LRRC7: variants seen among roughly 807,000 people sequenced by gnomAD.
LRRC7 encodes the protein leucine rich repeat containing 7.
Under a neutral mutation model 175.7 loss-of-function variants are expected in LRRC7, and 23 were observed. The ratio of observed to expected loss-of-function variants is 0.13; its 90% CI spans 0.09 to 0.19. LRRC7 has a LOEUF of 0.19. Ranked by LOEUF, LRRC7 falls within the 10% of genes least tolerant of loss-of-function variation. The probability of loss-of-function intolerance (pLI) is 1.00; values close to 1 mark genes in which losing one functional copy is unlikely to be tolerated. For synonymous variants in LRRC7, 685 were observed against 680.9 expected (o/e 1.01, Z -0.09); for missense variants, 1,354 against 1,904.7 (o/e 0.71, Z 5.38).
intron 3 of LRRC7, among the ~76,000 whole-genome samples, chr1:69,780,711 A>G (rs1276732372): frequency 1.3e-5 from 2 of 152,340 alleles, no homozygotes; most frequent in African/African-American, 2.4e-5. Context: ...TAATGTGCAC[A>G]GTATAATTAT....
chr1:69,920,657 G>A (rs1306903762), intron 7 of LRRC7, among the ~76,000 whole-genome samples: 1 of 152,078 alleles, frequency 6.6e-6, no homozygotes, highest in Non-Finnish European at 1.5e-5. Context: ...GAGAACTACG[G>A]AATTCATAGA....
intron 1 of LRRC7, among the ~76,000 whole-genome samples, chr1:69,661,554 C>T (rs1657481666): frequency 6.6e-6 from 1 of 152,084 alleles, no homozygotes; most frequent in South Asian, 2.1e-4. Context: ...GTGGTCAGCA[C>T]CATCTGCAAC....
intron 1 of LRRC7, among the ~76,000 whole-genome samples, chr1:69,624,914 T>C (rs10889843): frequency 0.27 from 40,681 of 151,970 alleles, 5,790 homozygotes; most frequent in East Asian, 0.36. Context: ...TATATTAATT[T>C]ATACCATTTG....
intron 2 of LRRC7, among the ~76,000 whole-genome samples, chr1:69,753,046 G>T (rs945111772): frequency 6.6e-6 from 1 of 151,960 alleles, no homozygotes; most frequent in Non-Finnish European, 1.5e-5. Context: ...TATACTGGAC[G>T]GTGGCCATGT....
chr1:70,133,685 C>T lies in LRRC7; in HGVS notation c.*11798C>T, dbSNP rs1261272714. On this transcript the variant is annotated 3_prime_UTR_variant, in exon 27 of 27. Coordinates refer to ENST00000651989, the MANE Select transcript of LRRC7 (RefSeq NM_001370785.2). ...AAACCTCTCAGATTGTATCAATCAC[C>T]CAAAACCTAATGAGACAGAAACCAC... Among the ~76,000 whole-genome samples the T allele has an allele frequency of 6.6e-6, 1 of 152,076 alleles. No homozygotes were observed.
intron 3 of LRRC7, among the ~76,000 whole-genome samples, chr1:69,788,432 C>T (rs939832549): frequency 1.3e-5 from 2 of 152,150 alleles, no homozygotes; most frequent in Non-Finnish European, 2.9e-5. Flanking sequence ...AAGTTGATTT[C>T]TTTTCATACC....
chr1:69,623,549 C>CTTT lies in LRRC7; in HGVS notation c.3-54816_3-54814dup, dbSNP rs35199111. On this transcript the variant is annotated intron_variant, in intron 1 of 26. Coordinates refer to ENST00000651989, the MANE Select transcript of LRRC7 (RefSeq NM_001370785.2). The stretch of plus-strand genomic sequence containing the variant: ...TTAAGGCAACTTAGAAAAAGACATA[C>CTTT]TTTTTTTTTTTTTTTTTTGAGGCAG... 4.6e-4 allele frequency among the ~76,000 whole-genome samples: 63 copies of CTTT among 136,624 alleles called. 3 individuals are homozygous for CTTT. The highest frequency in any genetic ancestry group is 4.1e-3 in the East Asian group (19 of 4,590). 89.6% of individuals were successfully genotyped at this position (136,624 alleles called of 152,430 possible). A position where few individuals can be genotyped will look rare whatever the true frequency, so the allele number is the denominator to read the frequency against.
chr1:69,593,649 CA>C (rs766700506), intron 1 of LRRC7, among the ~76,000 whole-genome samples: 1 of 152,114 alleles, frequency 6.6e-6, no homozygotes, highest in Non-Finnish European at 1.5e-5. Flanking sequence ...ACTTACAAAA[CA>C]CAGCAGTTTT....
intron 25 of LRRC7, among the ~76,000 whole-genome samples, chr1:70,092,020 GAGGATCTAA>G (rs1466782164): frequency 7.9e-5 from 12 of 152,198 alleles, no homozygotes; most frequent in Admixed American, 7.9e-4. Context: ...TAACTGTTCA[GAGGATCTAA>G]AGACACTGAC....
At chr1:69,938,576 G>A (rs1648291292) in intron 8 of LRRC7, among the ~76,000 whole-genome samples, 1 of 151,938 alleles carries the variant, frequency 6.6e-6, no homozygotes. Context: ...ATATGAATGT[G>A]TTTTCATAGA....
At chr1:69,721,621 T>C (rs1362590533) in intron 2 of LRRC7, among the ~76,000 whole-genome samples, 2 of 151,904 alleles carry the variant, frequency 1.3e-5, no homozygotes, top group African/African-American at 4.8e-5. Context: ...GTACTCTTTT[T>C]AATGGCCACA....
intron 7 of LRRC7, among the ~76,000 whole-genome samples, chr1:69,858,960 A>G (rs928061053): frequency 2.0e-5 from 3 of 152,070 alleles, no homozygotes; most frequent in Admixed American, 2.0e-4. Flanking sequence ...ATATATACGA[A>G]CTCAACAGCA....
At chr1:69,706,718 G>C (rs1664081661) in intron 2 of LRRC7, among the ~76,000 whole-genome samples, 1 of 152,144 alleles carries the variant, frequency 6.6e-6, no homozygotes, top group Admixed American at 6.6e-5. Flanking sequence ...CAGGAACACA[G>C]CATGGTGTCA....
rs60974303 is a variant in LRRC7, at chr1:69,889,838, A to AGAGGAG, written c.648-41648_648-41643dup. ...AGTAAGGAGATAGAGAAGAAGAAGG[A>AGAGGAG]GAGGAGGAGGAGGAGGAGGAGGAGG... On this transcript the variant is annotated intron_variant, in intron 7 of 26. Coordinates refer to ENST00000651989, the MANE Select transcript of LRRC7 (RefSeq NM_001370785.2). 2.6e-3 allele frequency among the ~76,000 whole-genome samples: 388 copies of AGAGGAG among 151,086 alleles called. 3 individuals carry two copies. The highest frequency in any genetic ancestry group is 0.014 in the East Asian group (74 of 5,110).
chr1:70,008,254 G>A (rs1656168924), intron 11 of LRRC7, among the ~76,000 whole-genome samples: 1 of 152,162 alleles, frequency 6.6e-6, no homozygotes, highest in East Asian at 1.9e-4. Flanking sequence ...ACTGGAAGCT[G>A]ATTAGATTGT....
chr1:69,590,523 G>A (rs1024879644), intron 1 of LRRC7, among the ~76,000 whole-genome samples: 2 of 152,082 alleles, frequency 1.3e-5, no homozygotes, highest in Non-Finnish European at 2.9e-5. Flanking sequence ...AAGACCTACT[G>A]TACTCCAAAA....
intron 23 of LRRC7, among the ~76,000 whole-genome samples, chr1:70,064,331 TACA>T (rs1558038538): frequency 6.6e-6 from 1 of 151,970 alleles, no homozygotes; most frequent in Admixed American, 6.6e-5. Context: ...ATATCTACAG[TACA>T]TACAGTAGGC....
intron 7 of LRRC7, among the ~76,000 whole-genome samples, chr1:69,926,649 C>G (rs1392100157): frequency 6.6e-6 from 1 of 150,612 alleles, no homozygotes; most frequent in Admixed American, 6.6e-5. Flanking sequence ...TTTTTTGTTT[C>G]CATTTGTTTG....
chr1:70,041,040 A>G (rs949515780), intron 21 of LRRC7, among the ~76,000 whole-genome samples: 1 of 152,166 alleles, frequency 6.6e-6, no homozygotes, highest in African/African-American at 2.4e-5. Context: ...CATTGACATT[A>G]GAATCTTAAA....
Sources: allele counts gnomAD v4.1 joint callset (sites outside exome capture counted in the v4.1 genomes callset), GRCh38; gene constraint gnomAD v4.1.1; transcripts MANE v1.5; gene names NCBI Gene and HGNC (gene_info 2026-07-23, HGNC 2026-07-21).